Variants in PDE4B observed in about 807,000 individuals in gnomAD.
PDE4B encodes phosphodiesterase 4B.
A neutral mutation model predicts 82.2 loss-of-function variants in PDE4B; 20 were observed. The ratio of observed to expected loss-of-function variants is 0.24; its 90% CI spans 0.17 to 0.35. PDE4B has a LOEUF of 0.35. Ranked by LOEUF, PDE4B falls within the 10% of genes least tolerant of loss-of-function variation. The probability of loss-of-function intolerance (pLI) is 1.00; values close to 1 mark genes in which losing one functional copy is unlikely to be tolerated. For missense variants in PDE4B, 655 were observed against 907.2 expected (o/e 0.72, Z 3.57); for synonymous variants, 320 against 318.9 (o/e 1.00, Z -0.04).
At chr1:65,974,837 G>T (rs1333633266) in intron 3 of PDE4B, among the ~76,000 whole-genome samples, 1 of 152,060 alleles carries the variant, frequency 6.6e-6, no homozygotes, top group Non-Finnish European at 1.5e-5. Flanking sequence ...CATGCTTCCT[G>T]TACATCCTGT....
chr1:66,125,081 A>G (rs895658466), intron 3 of PDE4B, among the ~76,000 whole-genome samples: 1 of 151,596 alleles, frequency 6.6e-6, no homozygotes, highest in African/African-American at 2.4e-5. Flanking sequence ...CGGAGTCTCA[A>G]TCTAGTCCAT....
chr1:66,262,167 G>A (rs145632518), intron 6 of PDE4B, among the ~76,000 whole-genome samples: 326 of 152,242 alleles, frequency 2.1e-3, no homozygotes, highest in African/African-American at 7.5e-3. Flanking sequence ...GTCTTTTATT[G>A]CTGTATGTAC....
intron 7 of PDE4B, among the ~76,000 whole-genome samples, chr1:66,293,898 T>C (rs1297165504): frequency 6.6e-6 from 1 of 152,142 alleles, no homozygotes. Context: ...ATCTCTAAGA[T>C]TTATCTCAGG....
At chr1:66,062,165 T>G (rs1463885) in intron 3 of PDE4B, among the ~76,000 whole-genome samples, 9,688 of 152,112 alleles carry the variant, frequency 0.064, 546 homozygotes, top group East Asian at 0.26. Context: ...GAAAAGAGAT[T>G]CTGACTAAGC....
chr1:65,955,933 A>G (rs1436236724), intron 3 of PDE4B, among the ~76,000 whole-genome samples: 1 of 152,158 alleles, frequency 6.6e-6, no homozygotes, highest in East Asian at 1.9e-4. Context: ...ATTTTAAAAA[A>G]GAAATATGCT....
At chr1:66,255,745 C>A (rs1282268007) in intron 4 of PDE4B, among the ~76,000 whole-genome samples, 2 of 152,172 alleles carry the variant, frequency 1.3e-5, no homozygotes, top group Non-Finnish European at 2.9e-5. Context: ...GTTTTTAATT[C>A]TCATTCTGTA....
chr1:65,942,468 T>C (rs1648498005), intron 3 of PDE4B, among the ~76,000 whole-genome samples: 1 of 152,036 alleles, frequency 6.6e-6, no homozygotes. Flanking sequence ...ATCTTGGCTA[T>C]TGTGAACAGT....
intron 8 of PDE4B, among the ~76,000 whole-genome samples, chr1:66,347,288 C>T (rs1264891313): frequency 6.6e-6 from 1 of 152,016 alleles, no homozygotes; most frequent in Non-Finnish European, 1.5e-5. Context: ...CATAACAAGC[C>T]CAACTACCTT....
chr1:66,010,067 C>T (rs2100735826), intron 3 of PDE4B, among the ~76,000 whole-genome samples: 1 of 151,982 alleles, frequency 6.6e-6, no homozygotes, highest in East Asian at 1.9e-4. Context: ...ATCCTCAAAA[C>T]TAGAACACAT....
At chr1:66,063,822 A>G (rs1655705346) in intron 3 of PDE4B, among the ~76,000 whole-genome samples, 1 of 152,014 alleles carries the variant, frequency 6.6e-6, no homozygotes, top group Admixed American at 6.6e-5. Context: ...TAAATGAATG[A>G]TCAAGGCCAA....
At chr1:66,348,466 G>C (rs1161515611) in intron 8 of PDE4B, among the ~76,000 whole-genome samples, 1 of 152,048 alleles carries the variant, frequency 6.6e-6, no homozygotes, top group African/African-American at 2.4e-5. Flanking sequence ...AAATGAAATT[G>C]TGATGCTCCA....
chr1:66,012,901 A>C (rs1652564996), intron 3 of PDE4B, among the ~76,000 whole-genome samples: 1 of 152,132 alleles, frequency 6.6e-6, no homozygotes, highest in Non-Finnish European at 1.5e-5. Flanking sequence ...AAACTTCACA[A>C]ATAGTAACTC....
intron 8 of PDE4B, among the ~76,000 whole-genome samples, chr1:66,337,046 C>T (rs1049461721): frequency 6.6e-6 from 1 of 152,166 alleles, no homozygotes; most frequent in African/African-American, 2.4e-5. Flanking sequence ...AATGCCAGCT[C>T]CTGCAGAACT....
chr1:66,220,748 A>G (rs955556829), intron 3 of PDE4B, among the ~76,000 whole-genome samples: 6 of 152,146 alleles, frequency 3.9e-5, no homozygotes, highest in Admixed American at 2.6e-4. Flanking sequence ...AGGTGCCTTA[A>G]AACTGTTGCT....
At chr1:66,306,931 G>A (rs1332232854) in intron 7 of PDE4B, among the ~76,000 whole-genome samples, 7 of 151,976 alleles carry the variant, frequency 4.6e-5, no homozygotes, top group South Asian at 2.1e-4. Flanking sequence ...GTAAAAGATC[G>A]GGGACAATGA....
chr1:66,283,196 T>C (rs981290472), intron 7 of PDE4B, among the ~76,000 whole-genome samples: 1 of 152,146 alleles, frequency 6.6e-6, no homozygotes, highest in African/African-American at 2.4e-5. Flanking sequence ...TCTTAAACTT[T>C]CTGCATACCT....
chr1:66,221,221 A>C (rs1273046570), intron 3 of PDE4B, among the ~76,000 whole-genome samples: 1 of 152,120 alleles, frequency 6.6e-6, no homozygotes. Context: ...GATAAAGAGA[A>C]ATTCCAGCCA....
intron 3 of PDE4B, among the ~76,000 whole-genome samples, chr1:65,933,837 T>C (rs2100525997): frequency 6.6e-6 from 1 of 152,246 alleles, no homozygotes; most frequent in East Asian, 1.9e-4. Flanking sequence ...CTGCAAACAC[T>C]GTAACTGTTG....
At chr1:66,313,469 C>T (rs574217134) in intron 7 of PDE4B, among the ~76,000 whole-genome samples, 46 of 152,250 alleles carry the variant, frequency 3.0e-4, no homozygotes, top group African/African-American at 1.1e-3. Context: ...CACTTCCCTT[C>T]TCCTGGCCTC....
Sources: allele counts gnomAD v4.1 joint callset (sites outside exome capture counted in the v4.1 genomes callset), GRCh38; gene constraint gnomAD v4.1.1; transcripts MANE v1.5; gene names NCBI Gene and HGNC (gene_info 2026-07-23, HGNC 2026-07-21).